Variants in SBF2 observed in about 807,000 individuals in gnomAD.
SBF2 encodes myotubularin-related protein 13.
In SBF2, 112 loss-of-function variants were observed where a neutral mutation model predicts 225.2. The observed-to-expected ratio is 0.50, with a 90% CI of 0.43 to 0.58. The LOEUF (loss-of-function observed/expected upper bound fraction) is 0.58, where lower values mean the gene tolerates loss of function less well. Ranked by LOEUF, SBF2 falls within the 20% of genes least tolerant of loss-of-function variation. The pLI is 0.00. For synonymous variants in SBF2, 763 were observed against 773.3 expected, an observed-to-expected ratio of 0.99 and a Z score of 0.22; for missense variants, 1,996 against 2,206.2, an observed-to-expected ratio of 0.90 and a Z score of 1.91.
chr11:9,954,104 C>T (rs1037024031), intron 16 of SBF2, among the ~76,000 whole-genome samples: 4 of 152,112 alleles, frequency 2.6e-5, no homozygotes, highest in South Asian at 2.1e-4. Context: ...AGTCTATAAC[C>T]TCTATGAAAC....
At chr11:9,852,582 A>T in intron 21 of SBF2, 94 bp downstream of exon 21, 2 of 884,414 alleles carry the variant, frequency 2.3e-6, no homozygotes, top group Non-Finnish European at 3.9e-6. Context: ...TGTCTGTCAA[A>T]GGTTAGGTGA....
intron 26 of SBF2, among the ~76,000 whole-genome samples, chr11:9,835,107 T>C (rs1855651237): frequency 6.6e-6 from 1 of 152,176 alleles, no homozygotes. Context: ...CCTAACCCAC[T>C]ACTCAGAGCC....
intron 28 of SBF2, among the ~76,000 whole-genome samples, chr11:9,818,007 G>T (rs558952503): frequency 2.1e-4 from 32 of 152,236 alleles, no homozygotes; most frequent in Non-Finnish European, 3.7e-4. Flanking sequence ...GTGCAATGGC[G>T]TGATCTCAGC....
At chr11:10,195,942 A>G (rs1957340303) in intron 1 of SBF2, among the ~76,000 whole-genome samples, 1 of 152,208 alleles carries the variant, frequency 6.6e-6, no homozygotes, top group Non-Finnish European at 1.5e-5. Flanking sequence ...CATCCCAAGC[A>G]GGGTTAATGA....
intron 4 of SBF2, 106 bp from the exon 5 acceptor site, chr11:10,029,981 A>G: frequency 1.2e-6 from 1 of 809,944 alleles, no homozygotes; most frequent in South Asian, 1.4e-5. Context: ...AGTAAAGTAT[A>G]TTATACAGTG....
intron 16 of SBF2, among the ~76,000 whole-genome samples, chr11:9,922,420 TA>T (rs1863704607): frequency 6.6e-6 from 1 of 152,210 alleles, no homozygotes; most frequent in African/African-American, 2.4e-5. Flanking sequence ...ATTTTGCACA[TA>T]GTTTAAACTA....
intron 17 of SBF2, among the ~76,000 whole-genome samples, chr11:9,872,766 G>A (rs1009784506): frequency 6.6e-5 from 10 of 151,886 alleles, no homozygotes; most frequent in Non-Finnish European, 1.3e-4. Context: ...CTGTAATCCC[G>A]GCACTTTGGG....
chr11:9,790,772 G>A, intron 33 of SBF2, 89 bp from the exon 34 acceptor site: 4 of 1,039,070 alleles, frequency 3.8e-6, no homozygotes, highest in Non-Finnish European at 5.8e-6. Context: ...ATAAAAAAGT[G>A]GAATATTTTT....
In SBF2 at chr11:9,999,823, A is replaced by G. The variant is rs77534487; in HGVS notation, c.861+1091T>C. ...GACTATACGAATGAAAGTCCTGCTT[A>G]TAATTATAATGTTAAATAATATTTT... is the stretch of plus-strand genomic sequence containing the variant. On this transcript the variant is annotated intron_variant, in intron 8 of 39. Transcript: ENST00000256190. Among the ~76,000 whole-genome samples, 824 of 152,328 alleles carry G rather than the reference A, an allele frequency of 5.4e-3. 6 individuals carry two copies. Among genetic ancestry groups the G allele is most frequent in the African/African-American group, 0.019 (784 of 41,568 alleles).
At chr11:10,190,436 T>C (rs989235993) in intron 2 of SBF2, among the ~76,000 whole-genome samples, 3 of 152,214 alleles carry the variant, frequency 2.0e-5, no homozygotes, top group Non-Finnish European at 2.9e-5. Context: ...TTATGTTTGG[T>C]TTAGCTTACT....
At chr11:9,938,854 C>T (rs1172785086) in intron 16 of SBF2, among the ~76,000 whole-genome samples, 2 of 151,312 alleles carry the variant, frequency 1.3e-5, no homozygotes, top group Non-Finnish European at 2.9e-5. Context: ...AAAAGGCTAG[C>T]CAAAATGAGC....
chr11:9,948,780 T>C (rs1377404587), intron 16 of SBF2, among the ~76,000 whole-genome samples: 1 of 152,212 alleles, frequency 6.6e-6, no homozygotes, highest in Non-Finnish European at 1.5e-5. Flanking sequence ...ATAAGCATCA[T>C]TAGCTTAAAT....
chr11:10,282,840 T>C (rs1451939986), intron 1 of SBF2, among the ~76,000 whole-genome samples: 3 of 84,618 alleles, frequency 3.5e-5, no homozygotes, highest in Admixed American at 1.2e-4. Context: ...AGGCTCACCA[T>C]CTATAGAGTC....
In SBF2 at chr11:10,293,977, C is replaced by G. The variant is rs897718234; in HGVS notation, c.55+38G>C. On this transcript the variant is annotated intron_variant, in intron 1 of 39. Coordinates refer to ENST00000256190, the MANE Select transcript of SBF2 (RefSeq NM_030962.4). ...AGCCCACTGGACAGCGGCCGGGGGGCGGGGAGGCCCGGGGGCGGTGCCGCC... is the reference window on the plus strand; with the variant it reads ...AGCCCACTGGACAGCGGCCGGGGGGGGGGGAGGCCCGGGGGCGGTGCCGCC... 1.5e-5 allele frequency: 20 copies of G among 1,292,904 alleles called. No homozygotes were observed. In the Admixed American group the frequency reaches 7.5e-4, roughly 48 times the overall value. 80.1% of individuals were successfully genotyped at this position (1,292,904 alleles called of 1,614,324 possible).
chr11:9,973,248 T>C (rs11042574), intron 13 of SBF2, among the ~76,000 whole-genome samples: 4,983 of 152,300 alleles, frequency 0.033, 310 homozygotes, highest in East Asian at 0.18. Context: ...ACAAGATGTG[T>C]TTGGACTGGT....
rs575107535 is a variant in SBF2, at chr11:10,187,308, C to T, written c.141+6594G>A. On this transcript the variant is annotated intron_variant, in intron 2 of 39. Coordinates refer to ENST00000256190, the MANE Select transcript of SBF2 (RefSeq NM_030962.4). ...TCTCTCTCTCTCTCCTTTTTCTCTC[C>T]TCTCTCTCTCTCTCTCCCTGCGTCC... 4.7e-3 allele frequency among the ~76,000 whole-genome samples: 578 copies of T among 122,346 alleles called. 4 individuals are homozygous for T. Among genetic ancestry groups the T allele is most frequent in the South Asian group, 6.1e-3 (26 of 4,280 alleles). The allele number at this position is 122,346 out of a possible 152,430, so 80.3% of individuals were successfully genotyped here.
At chr11:10,165,763 A>G (rs1955921453) in intron 2 of SBF2, among the ~76,000 whole-genome samples, 1 of 152,206 alleles carries the variant, frequency 6.6e-6, no homozygotes, top group Non-Finnish European at 1.5e-5. Context: ...TAAGGGTTCT[A>G]TATTTATAAC....
chr11:9,881,868 G>C (rs372749222), intron 17 of SBF2, among the ~76,000 whole-genome samples: 14 of 152,176 alleles, frequency 9.2e-5, no homozygotes, highest in African/African-American at 3.4e-4. Flanking sequence ...CACACCTGTG[G>C]TCCCAGCTAC....
At chr11:9,910,213 T>G (rs939002466) in intron 16 of SBF2, among the ~76,000 whole-genome samples, 1 of 152,162 alleles carries the variant, frequency 6.6e-6, no homozygotes, top group East Asian at 1.9e-4. Context: ...ATGACTATAA[T>G]GGAGCTGAAA....
Sources: allele counts gnomAD v4.1 joint callset (sites outside exome capture counted in the v4.1 genomes callset), GRCh38; gene constraint gnomAD v4.1.1; transcripts MANE v1.5; gene names NCBI Gene and HGNC (gene_info 2026-07-23, HGNC 2026-07-21).